Variants in TRPV2 observed in about 807,000 individuals in gnomAD.
TRPV2 encodes the protein transient receptor potential cation channel subfamily V member 2, also known as OTRPC2.
In TRPV2, 58 loss-of-function variants were observed where a neutral mutation model predicts 91.0. The observed-to-expected ratio is 0.64, with a 90% confidence interval of 0.52 to 0.79. The LOEUF (loss-of-function observed/expected upper bound fraction) is 0.79, where lower values mean the gene tolerates loss of function less well. Among genes scored for constraint, TRPV2 ranks in the 30% least tolerant of loss-of-function variants. The pLI is 0.00. For missense variants in TRPV2, 807 were observed against 969.6 expected (o/e 0.83, Z 2.23); for synonymous variants, 417 against 414.8 (o/e 1.01, Z -0.06).
chr17:16,417,530 C>G (rs755968441), intron 1 of TRPV2, 32 bp from the exon 2 acceptor site: 13 of 877,084 alleles, frequency 1.5e-5, no homozygotes, highest in Non-Finnish European at 2.3e-5. Context: ...CACGCCCAGC[C>G]TTTTGCACTA....
intron 3 of TRPV2, among the ~76,000 whole-genome samples, chr17:16,421,178 C>A (rs1010635617): frequency 3.4e-4 from 52 of 152,014 alleles, no homozygotes; most frequent in Non-Finnish European, 1.6e-4. Context: ...GTGTGCCAGG[C>A]CCTCTGTGTG....
intron 13 of TRPV2, 56 bp downstream of exon 13, chr17:16,433,754 G>A: frequency 6.3e-7 from 1 of 1,597,146 alleles, no homozygotes; most frequent in Non-Finnish European, 8.5e-7. Context: ...AATCCCTGGG[G>A]CCCCCCTGCA....
intron 12 of TRPV2, 48 bp from the exon 13 acceptor site, chr17:16,433,526 C>A: frequency 6.2e-7 from 1 of 1,602,952 alleles, no homozygotes; most frequent in South Asian, 1.1e-5. Flanking sequence ...GCCTTTGCCC[C>A]CAGGCAGGGT....
chr17:16,434,872 CT>C lies in TRPV2; in HGVS notation c.2115-17del. 4 of 1,609,494 alleles carry C rather than the reference CT, an allele frequency of 2.5e-6. No individual in the cohort carries two copies. The highest frequency in any genetic ancestry group is 3.4e-6 in the Non-Finnish European group (4 of 1,178,520). ...CGGTCAAAGCAGGCAAACCTCAGAG[CT>C]GCTCTGTTGCCCTCAGGGTGGAGGA... On this transcript the variant is annotated splice_polypyrimidine_tract_variant and intron_variant, in intron 13 of 14. Coordinates refer to ENST00000338560, the MANE Select transcript of TRPV2 (RefSeq NM_016113.5).
chr17:16,433,617 G>A lies in TRPV2; in HGVS notation c.2033G>A (p.Cys678Tyr), dbSNP rs770721097. The A allele has an allele frequency of 1.2e-6, 2 of 1,614,212 alleles. No homozygotes were observed. Among genetic ancestry groups the A allele is most frequent in the Middle Eastern group, 1.7e-4 (1 of 6,060 alleles). Residue 678 changes from cysteine to tyrosine, a missense_variant, in exon 13 of 15, where the codon TGC becomes TAC. Physicochemically the swap from Cys to Tyr is radical, Grantham distance 194. Transcript: ENST00000338560. The part of the protein sequence containing the change: ...VLEMENGYWW[C>Y]RKKQRAGVML... ...GAGATGGAGAATGGCTATTGGTGGT[G>A]CAGGAAGAAGCAGCGGGCAGGTGTG... is the stretch of plus-strand genomic sequence containing the variant.
At chr17:16,432,333 A>C (rs1600989896) in intron 12 of TRPV2, 33 bp downstream of exon 12, 8 of 1,561,516 alleles carry the variant, frequency 5.1e-6, no homozygotes, top group African/African-American at 1.4e-5. Context: ...CCCCCACCCC[A>C]CCCCACACTC....
intron 8 of TRPV2, 30 bp from the exon 9 acceptor site, chr17:16,428,287 C>T: frequency 6.2e-7 from 1 of 1,612,452 alleles, no homozygotes; most frequent in Non-Finnish European, 8.5e-7. Flanking sequence ...GAGCAGGTTT[C>T]ACAGCCCTCT....
In TRPV2 at chr17:16,423,559, A is replaced by G. The variant is rs376220777; in HGVS notation, c.716A>G (p.Gln239Arg). ...LENPHQPASL[Q>R]ATDSQGNTVL... Reference sequence around the variant, plus strand: ...AACCCACACCAGCCCGCCAGCCTGCAGGCCACTGACTCCCAGGGCAACACA... The same window carrying G: ...AACCCACACCAGCCCGCCAGCCTGCGGGCCACTGACTCCCAGGGCAACACA... The change falls in exon 5 of 15, where the codon CAG becomes CGG. Residue 239 changes from glutamine (Q) to arginine (R), a missense_variant. Gln to Arg is a conservative substitution (Grantham distance 43). Coordinates refer to ENST00000338560, the MANE Select transcript of TRPV2 (RefSeq NM_016113.5). The G allele has an allele frequency of 6.2e-6, 10 of 1,614,078 alleles. No homozygotes were observed. In the African/African-American group the frequency reaches 1.3e-4, roughly 22 times the overall value.
intron 2 of TRPV2, 95 bp downstream of exon 2, chr17:16,417,963 G>A: frequency 8.1e-7 from 1 of 1,242,126 alleles, no homozygotes; most frequent in Admixed American, 2.3e-5. Flanking sequence ...CAGCACCAGT[G>A]CCCCTTCCCA....
At chr17:16,431,326 C>T (rs1315350565) in intron 10 of TRPV2, among the ~76,000 whole-genome samples, 2 of 124,644 alleles carry the variant, frequency 1.6e-5, no homozygotes, top group South Asian at 2.6e-4. Flanking sequence ...CGAAGTCTCA[C>T]TCTGTAGCCC....
Position 16,427,547 on chromosome 17 carries a change from GGT to G in TRPV2, c.1350+2_1350+3del. 1 of 1,609,890 alleles carries G rather than the reference GGT, an allele frequency of 6.2e-7. No homozygotes were observed. The highest frequency in any genetic ancestry group is 8.5e-7 in the Non-Finnish European group (1 of 1,177,334). On this transcript the variant is annotated splice_donor_variant, in intron 8 of 14. Transcript: ENST00000338560. LOFTEE classifies it high-confidence loss of function. ...GGGGGATCTACCTCCTCGTGGGCCA[GGT>G]GAGTGCCCCTCCCCTTCTCCTACCA...
Position 16,431,642 on chromosome 17 carries a change from C to T in TRPV2, c.1588-142C>T, listed in dbSNP as rs1038840393. On this transcript the variant is annotated intron_variant, in intron 10 of 14. Transcript: ENST00000338560. ...TAAAAGACTCCTCTGCTCGGTGTGG[C>T]TCCACAGGCCCACATATGCATATGT... is the stretch of plus-strand genomic sequence containing the variant. 7.1e-5 allele frequency: 52 copies of T among 727,482 alleles called. No homozygotes were observed. The African/African-American group carries it at 9.0e-4, about 13-fold the overall frequency. The allele number at this position is 727,482 out of a possible 1,614,324, so 45.1% of individuals were successfully genotyped here.
intron 3 of TRPV2, 74 bp downstream of exon 3, chr17:16,420,322 C>T (rs983753661): frequency 2.6e-6 from 4 of 1,539,012 alleles, no homozygotes; most frequent in Non-Finnish European, 8.9e-7. Context: ...TGGGCTTGAT[C>T]CCTGGTCAGG....
chr17:16,419,574 AG>A (rs1463411374), intron 2 of TRPV2, among the ~76,000 whole-genome samples: 1 of 152,228 alleles, frequency 6.6e-6, no homozygotes, highest in Non-Finnish European at 1.5e-5. Flanking sequence ...AGAAATGAGT[AG>A]TTTCTGACCA....
rs750259071 is a variant in TRPV2, at chr17:16,431,828, C to G, written c.1632C>G (p.Val544=). The change falls in exon 11 of 15, where the codon GTC becomes GTG. Residue 544 remains valine, a synonymous_variant. Coordinates refer to ENST00000338560, the MANE Select transcript of TRPV2 (RefSeq NM_016113.5). ...TGCGCTTCCTTCTGATCTACTTAGT[C>G]TTCCTTTTCGGCTTCGCTGTAGGTA... The part of the protein sequence containing the change: ...DLLRFLLIYL[V]FLFGFAVALV... 1 of 1,614,172 alleles carries G rather than the reference C, an allele frequency of 6.2e-7. No individual in the cohort carries two copies. The highest frequency in any genetic ancestry group is 8.5e-7 in the Non-Finnish European group (1 of 1,180,032).
intron 5 of TRPV2, among the ~76,000 whole-genome samples, chr17:16,425,890 C>A (rs964647608): frequency 6.6e-6 from 1 of 152,184 alleles, no homozygotes; most frequent in Non-Finnish European, 1.5e-5. Flanking sequence ...GCCAGGCTGG[C>A]TGGCAGGCTG....
At chr17:16,432,886 A>G (rs1209288318) in intron 12 of TRPV2, among the ~76,000 whole-genome samples, 1 of 146,294 alleles carries the variant, frequency 6.8e-6, no homozygotes, top group Admixed American at 6.9e-5. Flanking sequence ...GCTCACTGCC[A>G]CCTTTGTCTC....
At chr17:16,421,677 G>A (rs2093358185) in intron 3 of TRPV2, among the ~76,000 whole-genome samples, 1 of 151,660 alleles carries the variant, frequency 6.6e-6, no homozygotes, top group South Asian at 2.1e-4. Flanking sequence ...GCCCAGCACT[G>A]CGCCTGGCTA....
Position 16,423,755 on chromosome 17 carries a change from G to C in TRPV2, c.912G>C (p.Glu304Asp). Residue 304 changes from glutamate to aspartate, a missense_variant, in exon 5 of 15, where the codon GAG becomes GAC. Transcript: ENST00000338560. ...DLTPLKLAAKEGKIEIFRHIL... is the reference protein window; with the variant it reads ...DLTPLKLAAKDGKIEIFRHIL... The stretch of plus-strand genomic sequence containing the variant: ...CGCCTCTGAAGCTGGCCGCCAAGGA[G>C]GGCAAGATCGAGGTGAGCGGCTGTC... 1 of 1,579,926 alleles carries C rather than the reference G, an allele frequency of 6.3e-7. No individual in the cohort carries two copies. Among genetic ancestry groups the C allele is most frequent in the Admixed American group, 1.7e-5 (1 of 58,984 alleles).
Sources: gnomAD v4.1 joint callset for allele counts (sites outside exome capture counted in the v4.1 genomes callset) on GRCh38, gnomAD v4.1.1 for gene constraint, MANE v1.5 for transcripts, NCBI Gene and HGNC (gene_info 2026-07-23, HGNC 2026-07-21) for gene names.